The following TMPRSS3 variants were observed in gnomAD, a reference collection of about 807,000 sequenced individuals.
TMPRSS3 encodes the protein transmembrane serine protease 3.
A neutral mutation model predicts 59.6 loss-of-function variants in TMPRSS3; 55 were observed. That is an observed-to-expected ratio of 0.92 (90% CI 0.74 to 1.16). TMPRSS3 has a LOEUF of 1.16. TMPRSS3 is among the 50% of genes most tolerant of loss of function. TMPRSS3 has a pLI of 0.00. For synonymous variants in TMPRSS3, 257 were observed against 237.7 expected (o/e 1.08, Z -0.75); for missense variants, 596 against 579.4 (o/e 1.03, Z -0.29).
At position 42,376,679 on chromosome 21, in the gene TMPRSS3, G is replaced by A. The variant is rs397517369; in HGVS notation, c.1053C>T (p.Asp351=). The change falls in exon 11 of 13, where the codon GAC becomes GAT. Residue 351 remains aspartate, a synonymous_variant. Coordinates refer to ENST00000644384, the MANE Select transcript of TMPRSS3 (RefSeq NM_001256317.3). ...CCGCGTGGTTCAGGACAGGGGAGGC[G>A]TCACCTGCTTCAAAGTGAGTGAGGG... The part of the protein sequence containing the change: ...SGWGATEDGG[D]ASPVLNHAAV... The A allele has an allele frequency of 3.0e-5, 48 of 1,614,046 alleles. 1 individual carries two copies. Among genetic ancestry groups the A allele is most frequent in the African/African-American group, 1.1e-4 (8 of 75,056 alleles).
In TMPRSS3 at chr21:42,388,445, C is replaced by T. The variant is rs1250412962; in HGVS notation, c.404G>A (p.Gly135Asp). 6.2e-7 allele frequency: 1 copy of T among 1,614,126 alleles called. No homozygotes were observed. Among genetic ancestry groups the T allele is most frequent in the Non-Finnish European group, 8.5e-7 (1 of 1,180,050 alleles). Residue 135 changes from glycine (G) to aspartate (D), a missense_variant, in exon 5 of 13, where the codon GGT (glycine) becomes GAT (aspartate). By Grantham distance (94) the Gly-to-Asp change is moderately conservative. Coordinates refer to ENST00000644384, the MANE Select transcript of TMPRSS3 (RefSeq NM_001256317.3). This position sits in a 1 kb window ranked among gnomAD's most constrained non-coding sequence, Gnocchi z 5.1. The part of the protein sequence containing the change: ...WKTMCSDDWK[G>D]HYANVACAQL... Reference sequence around the variant, plus strand: ...GGCACAGGCAACATTTGCGTAGTGACCCTTCCAGTCATCGGAGCACATGGT... The same window carrying T: ...GGCACAGGCAACATTTGCGTAGTGATCCTTCCAGTCATCGGAGCACATGGT...
chr21:42,385,620 G>C, intron 5 of TMPRSS3, 86 bp from the exon 6 acceptor site: 8 of 1,536,870 alleles, frequency 5.2e-6, no homozygotes, highest in Non-Finnish European at 7.2e-6. Flanking sequence ...AATATTACAG[G>C]GATTGTACAT....
intron 3 of TMPRSS3, 56 bp from the exon 4 acceptor site, chr21:42,389,101 TAAC>T (rs2052689811): frequency 6.2e-7 from 1 of 1,609,708 alleles, no homozygotes; most frequent in South Asian, 1.1e-5. Flanking sequence ...AGTGCAACAC[TAAC>T]AACTGTCCCC....
At chr21:42,383,834 G>T in intron 7 of TMPRSS3, 136 bp downstream of exon 7, 3 of 883,982 alleles carry the variant, frequency 3.4e-6, no homozygotes, top group Non-Finnish European at 5.6e-6. Context: ...AGCAGGTAGG[G>T]GTACACAGAG....
Position 42,376,418 on chromosome 21 carries a change from C to A in TMPRSS3, c.1191+123G>T. 2.1e-6 allele frequency: 3 copies of A among 1,400,062 alleles called. No individual in the cohort carries two copies. In the East Asian group the frequency reaches 7.3e-5, roughly 34 times the overall value. 86.7% of individuals were successfully genotyped at this position (1,400,062 alleles called of 1,614,324 possible). ...CCAGGAAAAGGAGTGATATCTTGAGCAAATTTCTTCTCCACGCCCTGTAAA... is the reference window on the plus strand; with the variant it reads ...CCAGGAAAAGGAGTGATATCTTGAGAAAATTTCTTCTCCACGCCCTGTAAA... On this transcript the variant is annotated intron_variant, in intron 11 of 12. Transcript: ENST00000644384.
Position 42,380,200 on chromosome 21 carries a change from G to C in TMPRSS3, c.965C>G (p.Pro322Arg). 1.9e-6 allele frequency: 3 copies of C among 1,613,958 alleles called. No individual in the cohort carries two copies. The highest frequency in any genetic ancestry group is 2.5e-6 in the Non-Finnish European group (3 of 1,179,880). Residue 322 changes from proline (P) to arginine (R), a missense_variant, in exon 10 of 13, where the codon CCT (proline) becomes CGT (arginine). Physicochemically the swap from Pro to Arg is moderately radical, Grantham distance 103. Coordinates refer to ENST00000644384, the MANE Select transcript of TMPRSS3 (RefSeq NM_001256317.3). ...GPLTFNEMIQ[P>R]VCLPNSEENF... ...CTCTTCAGAGTTGGGCAGGCACACA[G>C]GCTGGATCATTTCTGCTTGAAGGGA...
rs971787798 is a variant in TMPRSS3, at chr21:42,375,872, G to C, written c.1192-4C>G. The C allele has an allele frequency of 6.2e-7, 1 of 1,613,408 alleles. No individual in the cohort carries two copies. The highest frequency in any genetic ancestry group is 1.3e-5 in the African/African-American group (1 of 74,868). On this transcript the variant is annotated splice_region_variant and splice_polypyrimidine_tract_variant and intron_variant, in intron 11 of 12. Coordinates refer to ENST00000644384, the MANE Select transcript of TMPRSS3 (RefSeq NM_001256317.3). ...CCAGGGGCCCCCCGCTGTCCCCCTG[G>C]GTGACAGGAAAGAAGCAAAGATTGG...
At position 42,387,856 on chromosome 21, in the gene TMPRSS3, A is replaced by G. The variant is rs149298829; in HGVS notation, c.446+547T>C. Among the ~76,000 whole-genome samples the G allele has an allele frequency of 1.5e-3, 227 of 152,378 alleles. 1 individual carries two copies. The highest frequency in any genetic ancestry group is 5.2e-3 in the African/African-American group (217 of 41,590). On this transcript the variant is annotated intron_variant, in intron 5 of 12. Transcript: ENST00000644384. ...AAACTGTGTCACTCCAATGCAAAAA[A>G]TCATGTAGGCAACACAAACACTAAA...
intron 6 of TMPRSS3, among the ~76,000 whole-genome samples, chr21:42,384,522 A>G (rs1210000678): frequency 6.6e-6 from 1 of 152,202 alleles, no homozygotes; most frequent in Non-Finnish European, 1.5e-5. Context: ...ACACAGGTGG[A>G]GACCAGGGTG....
At chr21:42,392,925 C>T (rs1411397163) in intron 2 of TMPRSS3, among the ~76,000 whole-genome samples, 3 of 152,264 alleles carry the variant, frequency 2.0e-5, no homozygotes, top group Non-Finnish European at 2.9e-5. Flanking sequence ...GCAGGGGCCC[C>T]ACGCCTCCTC....
At chr21:42,373,433 C>T (rs758447822) in intron 12 of TMPRSS3, among the ~76,000 whole-genome samples, 2 of 152,320 alleles carry the variant, frequency 1.3e-5, no homozygotes, top group South Asian at 4.1e-4. Context: ...CCGGAGCCAG[C>T]GTCACAGACG....
At chr21:42,381,871 A>G (rs1265492079) in intron 9 of TMPRSS3, 194 bp downstream of exon 9, 3 of 759,566 alleles carry the variant, frequency 3.9e-6, no homozygotes, top group African/African-American at 3.5e-5. Context: ...TGTCATACCA[A>G]GAGCTAGGAG....
At chr21:42,390,947 T>C (rs2052725194) in intron 2 of TMPRSS3, among the ~76,000 whole-genome samples, 1 of 152,268 alleles carries the variant, frequency 6.6e-6, no homozygotes, top group South Asian at 2.1e-4. Context: ...AGAGGGAGTA[T>C]GGCCTTGATG....
In TMPRSS3 at chr21:42,396,044, G is replaced by C. The variant is rs1252729745; in HGVS notation, c.-154C>G. ...CACAGCCCTTTCCTGGCTCACACGG[G>C]CATGACCTAATTAAGAACGAAAGTA... On this transcript the variant is annotated 5_prime_UTR_variant, in exon 1 of 13. Transcript: ENST00000644384. 3 of 518,800 alleles carry C rather than the reference G, an allele frequency of 5.8e-6. No individual in the cohort carries two copies. The highest frequency in any genetic ancestry group is 3.9e-5 in the African/African-American group (2 of 51,930). The allele number at this position is 518,800 out of a possible 1,614,324, so 32.1% of individuals were successfully genotyped here.
chr21:42,391,165 C>T (rs2052728897), intron 2 of TMPRSS3, among the ~76,000 whole-genome samples: 1 of 152,206 alleles, frequency 6.6e-6, no homozygotes. Context: ...GTGCTGAGAT[C>T]TCCCAGAGGA....
chr21:42,393,103 G>A (rs969410101), intron 2 of TMPRSS3, among the ~76,000 whole-genome samples: 3 of 152,208 alleles, frequency 2.0e-5, no homozygotes, highest in African/African-American at 7.2e-5. Flanking sequence ...AATTAGCTGG[G>A]TGTGGGGGCA....
At chr21:42,378,572 C>T (rs925986889) in intron 10 of TMPRSS3, among the ~76,000 whole-genome samples, 3 of 152,180 alleles carry the variant, frequency 2.0e-5, no homozygotes, top group Non-Finnish European at 4.4e-5. Context: ...GAGGCTGAGG[C>T]TGGAGATCCA....
intron 1 of TMPRSS3, 146 bp downstream of exon 1, chr21:42,395,796 A>G: frequency 5.0e-6 from 2 of 403,578 alleles, no homozygotes; most frequent in South Asian, 3.8e-5. Context: ...AGAAGTTGCC[A>G]TATTGCTATT....
chr21:42,374,993 A>AGTGGGGT (rs202230814), intron 12 of TMPRSS3, among the ~76,000 whole-genome samples: 1 of 151,640 alleles, frequency 6.6e-6, no homozygotes, highest in Admixed American at 6.6e-5. Context: ...CATCCCAAGG[A>AGTGGGGT]GAGACTTCAT....
Sources: allele counts gnomAD v4.1 joint callset (sites outside exome capture counted in the v4.1 genomes callset), GRCh38; gene constraint gnomAD v4.1.1; non-coding constraint Gnocchi (gnomAD v3.1); transcripts MANE v1.5; gene names NCBI Gene and HGNC (gene_info 2026-07-23, HGNC 2026-07-21).